The following BDH2 variants were observed in gnomAD, a reference collection of about 807,000 sequenced individuals.
The protein encoded by BDH2 is dehydrogenase/reductase SDR family member 6.
A neutral mutation model predicts 33.2 loss-of-function variants in BDH2; 24 were observed. The observed-to-expected ratio is 0.72, with a 90% CI of 0.52 to 1.02. The LOEUF is 1.02. Ranked by LOEUF, BDH2 falls within the 50% of genes least tolerant of loss-of-function variation. The pLI is 0.00. For synonymous variants in BDH2, 81 were observed against 101.6 expected (o/e 0.80, Z 1.22); for missense variants, 249 against 301.6 (o/e 0.83, Z 1.29).
chr4:103,085,075 G>T (rs147239025), intron 7 of BDH2, among the ~76,000 whole-genome samples: 2 of 152,108 alleles, frequency 1.3e-5, no homozygotes, highest in African/African-American at 2.4e-5. Flanking sequence ...ACACATCTAC[G>T]GTTATTGTGA....
intron 5 of BDH2, among the ~76,000 whole-genome samples, chr4:103,090,173 C>G (rs1259304762): frequency 1.3e-5 from 2 of 152,176 alleles, no homozygotes; most frequent in East Asian, 3.9e-4. Flanking sequence ...GCTCTGTACC[C>G]AGTCAACCCC....
In BDH2 at chr4:103,082,224, CTCACCTGCATCTTGT is replaced by C. The variant is rs764670182; in HGVS notation, c.592-66_592-52del. ...TTAGTGATGGAAGCAGCTGTATGTG[CTCACCTGCATCTTGT>C]TCAAGGAGTTAAAGGCAAGAGAATC... On this transcript the variant is annotated intron_variant, in intron 8 of 9. Coordinates refer to ENST00000296424, the MANE Select transcript of BDH2 (RefSeq NM_020139.4). 3 of 1,481,094 alleles carry C rather than the reference CTCACCTGCATCTTGT, an allele frequency of 2.0e-6. No homozygotes were observed. The East Asian group carries it at 6.8e-5, about 33-fold the overall frequency. 91.7% of individuals were successfully genotyped at this position (1,481,094 alleles called of 1,614,324 possible). A position where few individuals can be genotyped will look rare whatever the true frequency, so the allele number is the denominator to read the frequency against.
At chr4:103,095,338 G>A in intron 2 of BDH2, 57 bp from the exon 3 acceptor site, 1 of 1,285,586 alleles carries the variant, frequency 7.8e-7, no homozygotes, top group Non-Finnish European at 1.1e-6. Flanking sequence ...CTGTGCTCAT[G>A]AATGGAACAT....
At chr4:103,082,249 T>A in intron 8 of BDH2, 76 bp from the exon 9 acceptor site, 3 of 1,299,610 alleles carry the variant, frequency 2.3e-6, no homozygotes, top group Non-Finnish European at 3.3e-6. Context: ...TTCAAGGAGT[T>A]AAAGGCAAGA....
chr4:103,099,709 AAAC>A (rs1414750439), intron 1 of BDH2, 71 bp downstream of exon 1: 3 of 152,232 alleles, frequency 2.0e-5, no homozygotes, highest in Non-Finnish European at 2.9e-5. Flanking sequence ...GTGCAGAAAA[AAAC>A]AACATCTAAA....
chr4:103,088,129 T>A (rs1747886910), intron 5 of BDH2, among the ~76,000 whole-genome samples: 1 of 152,180 alleles, frequency 6.6e-6, no homozygotes, highest in African/African-American at 2.4e-5. Flanking sequence ...AATGTTTAAC[T>A]TAATTGTGTG....
At chr4:103,090,725 A>G (rs1206318568) in intron 5 of BDH2, among the ~76,000 whole-genome samples, 1 of 152,192 alleles carries the variant, frequency 6.6e-6, no homozygotes, top group East Asian at 1.9e-4. Context: ...AGGTACCTGA[A>G]TGATCAGCTG....
rs1285376380 is a variant in BDH2 at position 103,095,379 on chromosome 4, T to G, written c.73-98A>C. 4.5e-6 allele frequency: 4 copies of G among 885,750 alleles called. No individual in the cohort carries two copies. The East Asian group carries it at 7.5e-5, about 17-fold the overall frequency. The allele number at this position is 885,750 out of a possible 1,614,324, so 54.9% of individuals were successfully genotyped here. A position where few individuals can be genotyped will look rare whatever the true frequency, so the allele number is the denominator to read the frequency against. ...GGTCTTTTTCTCCTTTATCTTATTT[T>G]CATTGTTCTTTTCCCTATAAGATAG... On this transcript the variant is annotated intron_variant, in intron 2 of 9. Transcript: ENST00000296424.
At chr4:103,094,728 T>A (rs1280381147) in intron 3 of BDH2, among the ~76,000 whole-genome samples, 1 of 151,996 alleles carries the variant, frequency 6.6e-6, no homozygotes, top group Non-Finnish European at 1.5e-5. Context: ...TGAGATTATA[T>A]TTTAGATATA....
In BDH2 at chr4:103,082,157, A is replaced by G; in HGVS notation, c.608T>C (p.Leu203Pro). The G allele has an allele frequency of 1.2e-6, 2 of 1,614,080 alleles. No homozygotes were observed. The highest frequency in any genetic ancestry group is 2.2e-5 in the South Asian group (2 of 91,072). The change falls in exon 9 of 10, where the codon CTG becomes CCG. Residue 203 changes from leucine (L) to proline (P), a missense_variant. Transcript: ENST00000296424. The stretch of plus-strand genomic sequence containing the variant: ...GAATCTTCCCGTCTTTTGTCTCTTC[A>G]GGAAATCATTCCGTGCCTGTGACCA... ...GNPEEARNDF[L>P]KRQKTGRFAT...
intron 9 of BDH2, among the ~76,000 whole-genome samples, chr4:103,080,228 A>G (rs529830867): frequency 6.6e-6 from 1 of 152,362 alleles, no homozygotes; most frequent in East Asian, 1.9e-4. Context: ...TTATAAGTGG[A>G]TAATTGTAGG....
chr4:103,098,251 G>A (rs532951159), intron 1 of BDH2, among the ~76,000 whole-genome samples: 1 of 152,306 alleles, frequency 6.6e-6, no homozygotes, highest in East Asian at 1.9e-4. Flanking sequence ...GTGTTTCAGA[G>A]ATGAGATAGG....
Position 103,085,377 on chromosome 4 carries a change from C to T in BDH2, c.504G>A (p.Gln168=). 1 of 1,611,554 alleles carries T rather than the reference C, an allele frequency of 6.2e-7. No individual in the cohort carries two copies. The highest frequency in any genetic ancestry group is 8.5e-7 in the Non-Finnish European group (1 of 1,179,544). Reference sequence around the variant, plus strand: ...GGCACACACAGTTGCACCTGATGCCCTGCTGGATGAAATCTGCAGCCACAG... The same window carrying T: ...GGCACACACAGTTGCACCTGATGCCTTGCTGGATGAAATCTGCAGCCACAG... ...TKSVAADFIQ[Q]GIRCNCVCPG... Residue 168 remains glutamine (Q), a synonymous_variant, in exon 7 of 10, where the codon CAG becomes CAA. Transcript: ENST00000296424.
Position 103,086,528 on chromosome 4 carries a change from T to G in BDH2, c.370A>C (p.Lys124Gln). The change falls in exon 6 of 10, where the codon AAA becomes CAA. Residue 124 changes from lysine to glutamine, a missense_variant. Coordinates refer to ENST00000296424, the MANE Select transcript of BDH2 (RefSeq NM_020139.4). Reference sequence around the variant, plus strand: ...GACATGTTGATAATATTGCCAGATTTCTGAGCAAGCATCTGCCAAAACAAA... The same window carrying G: ...GACATGTTGATAATATTGCCAGATTGCTGAGCAAGCATCTGCCAAAACAAA... ...KAFLPKMLAQ[K>Q]SGNIINMSSV... 6.2e-7 allele frequency: 1 copy of G among 1,610,072 alleles called. No individual in the cohort carries two copies. The highest frequency in any genetic ancestry group is 8.5e-7 in the Non-Finnish European group (1 of 1,178,562).
chr4:103,087,258 G>T (rs558414230), intron 5 of BDH2, among the ~76,000 whole-genome samples: 2 of 152,218 alleles, frequency 1.3e-5, no homozygotes, highest in South Asian at 4.1e-4. Context: ...CAATGAGGCT[G>T]CAGAGGTCAA....
intron 8 of BDH2, 56 bp downstream of exon 8, chr4:103,082,815 T>C (rs901960168): frequency 2.8e-6 from 4 of 1,439,516 alleles, no homozygotes; most frequent in Non-Finnish European, 3.9e-6. Flanking sequence ...GCTATAGGTA[T>C]GGAAGAGGGC....
Position 103,079,423 on chromosome 4 carries a change from G to T in BDH2, c.*279C>A. On this transcript the variant is annotated 3_prime_UTR_variant, in exon 10 of 10. Coordinates refer to ENST00000296424, the MANE Select transcript of BDH2 (RefSeq NM_020139.4). ...GTAATTTGTTATAGCAGCCCAAAGT[G>T]ACTAAGACAGATGCTAACAAATCGA... The T allele has an allele frequency of 2.6e-6, 1 of 380,716 alleles. No homozygotes were observed. The highest frequency in any genetic ancestry group is 4.8e-6 in the Non-Finnish European group (1 of 207,454). 23.6% of individuals were successfully genotyped at this position (380,716 alleles called of 1,614,324 possible). A position where few individuals can be genotyped will look rare whatever the true frequency, so the allele number is the denominator to read the frequency against.
At position 103,096,258 on chromosome 4, in the gene BDH2, G is replaced by T. The variant is rs1466972547; in HGVS notation, c.-4C>A. Reference sequence around the variant, plus strand: ...CTTTCCCATCAAGTCGACCCATAATGGAACCTGTGGTTTAATCTAAAGACA... The same window carrying T: ...CTTTCCCATCAAGTCGACCCATAATTGAACCTGTGGTTTAATCTAAAGACA... On this transcript the variant is annotated 5_prime_UTR_variant, in exon 2 of 10. Coordinates refer to ENST00000296424, the MANE Select transcript of BDH2 (RefSeq NM_020139.4). 1 of 1,612,982 alleles carries T rather than the reference G, an allele frequency of 6.2e-7. No individual in the cohort carries two copies. Among genetic ancestry groups the T allele is most frequent in the Non-Finnish European group, 8.5e-7 (1 of 1,179,094 alleles).
rs1323789737 is a variant in BDH2 at position 103,082,102 on chromosome 4, G to A, written c.663C>T (p.Cys221=). 5.0e-6 allele frequency: 8 copies of A among 1,614,068 alleles called. No individual in the cohort carries two copies. The East Asian group carries it at 6.7e-5, about 13-fold the overall frequency. The change falls in exon 9 of 10, where the codon TGC becomes TGT. Residue 221 remains cysteine (C), a synonymous_variant. Coordinates refer to ENST00000296424, the MANE Select transcript of BDH2 (RefSeq NM_020139.4). ...FATAEEIAML[C]VYLASDESAY... ...TTACTTCATCAGAAGCCAAATACAC[G>A]CAGAGCATGGCTATTTCTTCTGCAG...
Sources: gnomAD v4.1 joint callset for allele counts (sites outside exome capture counted in the v4.1 genomes callset) on GRCh38, gnomAD v4.1.1 for gene constraint, MANE v1.5 for transcripts, NCBI Gene and HGNC (gene_info 2026-07-23, HGNC 2026-07-21) for gene names.